ADK: variants seen among roughly 807,000 people sequenced by gnomAD.
ADK encodes adenosine kinase, also known as N6,N6-dimethyladenosine kinase.
In ADK, 24 loss-of-function variants were observed where a neutral mutation model predicts 44.7. That is an observed-to-expected ratio of 0.54 (90% CI 0.39 to 0.76). The LOEUF (loss-of-function observed/expected upper bound fraction) is 0.76. Among genes scored for constraint, ADK ranks in the 30% least tolerant of loss-of-function variants. The pLI is 0.00. For missense variants in ADK, 321 were observed against 425.1 expected, an observed-to-expected ratio of 0.76 and a Z score of 2.15; for synonymous variants, 128 against 142.6, an observed-to-expected ratio of 0.90 and a Z score of 0.73.
chr10:74,595,683 AGTTC>A (rs1300642471), intron 8 of ADK, among the ~76,000 whole-genome samples: 1 of 196 alleles, frequency 5.1e-3, no homozygotes, highest in Non-Finnish European at 0.011. Context: ...TCGCCATATC[AGTTC>A]AACAGATTAA....
intron 3 of ADK, among the ~76,000 whole-genome samples, chr10:74,294,767 A>G (rs895467849): frequency 6.6e-6 from 1 of 152,186 alleles, no homozygotes; most frequent in African/African-American, 2.4e-5. Context: ...AAATTTATTT[A>G]TATGTTGATC....
At chr10:74,599,559 T>C (rs1454023901) in intron 8 of ADK, among the ~76,000 whole-genome samples, 1 of 152,232 alleles carries the variant, frequency 6.6e-6, no homozygotes, top group Non-Finnish European at 1.5e-5. Context: ...AGCCCAAAAC[T>C]ATGGACAGTT....
At chr10:74,540,826 A>G (rs1849600741) in intron 7 of ADK, among the ~76,000 whole-genome samples, 3 of 152,148 alleles carry the variant, frequency 2.0e-5, no homozygotes, top group Admixed American at 2.0e-4. Flanking sequence ...CTGTAAATTT[A>G]TATCACAGTA....
chr10:74,671,016 A>G (rs1327821557), intron 10 of ADK, among the ~76,000 whole-genome samples: 2 of 141,696 alleles, frequency 1.4e-5, no homozygotes, highest in African/African-American at 5.3e-5. Flanking sequence ...TTCTCTTAAC[A>G]TCAAGCCAGA....
Position 74,244,730 on chromosome 10 carries a change from G to A in ADK, c.194+20139G>A, listed in dbSNP as rs930951263. Among the ~76,000 whole-genome samples, 13 of 152,198 alleles carry A rather than the reference G, an allele frequency of 8.5e-5. No individual in the cohort carries two copies. In the South Asian group the frequency reaches 1.7e-3, roughly 19 times the overall value. ...AACATTTTGATTTTTTTATGTGTTTGTAATTATTACCCAGAAACTTAGGCT... is the reference window on the plus strand; with the variant it reads ...AACATTTTGATTTTTTTATGTGTTTATAATTATTACCCAGAAACTTAGGCT... On this transcript the variant is annotated intron_variant, in intron 3 of 10. Transcript: ENST00000539909.
intron 10 of ADK, among the ~76,000 whole-genome samples, chr10:74,707,656 G>A (rs529935704): frequency 6.6e-5 from 10 of 151,230 alleles, no homozygotes; most frequent in Non-Finnish European, 1.3e-4. Flanking sequence ...CCAGCTACTC[G>A]GGAGCCTGAG....
intron 6 of ADK, among the ~76,000 whole-genome samples, chr10:74,443,070 A>C (rs529049323): frequency 6.6e-6 from 1 of 152,270 alleles, no homozygotes; most frequent in South Asian, 2.1e-4. Flanking sequence ...TATAGGATGA[A>C]TACGTTCTGG....
At chr10:74,404,412 T>C (rs903799829) in intron 6 of ADK, among the ~76,000 whole-genome samples, 1 of 152,230 alleles carries the variant, frequency 6.6e-6, no homozygotes, top group Non-Finnish European at 1.5e-5. Flanking sequence ...TCTGGTATCA[T>C]TTTCCTTCTG....
intron 3 of ADK, among the ~76,000 whole-genome samples, chr10:74,251,131 T>C (rs1289922410): frequency 6.6e-6 from 1 of 152,218 alleles, no homozygotes; most frequent in African/African-American, 2.4e-5. Context: ...AGTGTCTGCA[T>C]AATTAAATGC....
chr10:74,344,675 C>A, intron 4 of ADK: 2 of 176,778 alleles, frequency 1.1e-5, no homozygotes, highest in South Asian at 2.5e-4. Flanking sequence ...ACAGGCTGGT[C>A]TCTTCAGGTT....
chr10:74,320,751 G>A (rs1840780372), intron 4 of ADK, among the ~76,000 whole-genome samples: 1 of 151,990 alleles, frequency 6.6e-6, no homozygotes, highest in Non-Finnish European at 1.5e-5. Context: ...TTTTACCGGA[G>A]ATTTTTCTCT....
chr10:74,201,710 A>G (rs1322150444), intron 2 of ADK, among the ~76,000 whole-genome samples: 2 of 150,850 alleles, frequency 1.3e-5, no homozygotes, highest in Non-Finnish European at 2.9e-5. Context: ...CTATCTATCT[A>G]TCTATCTATC....
intron 10 of ADK, among the ~76,000 whole-genome samples, chr10:74,670,647 A>G (rs1398314781): frequency 6.6e-6 from 1 of 152,200 alleles, no homozygotes; most frequent in Non-Finnish European, 1.5e-5. Context: ...ACAGTATGCT[A>G]ATAACTAAGG....
At chr10:74,497,254 G>A (rs1444163820) in intron 6 of ADK, among the ~76,000 whole-genome samples, 1 of 152,202 alleles carries the variant, frequency 6.6e-6, no homozygotes, top group African/African-American at 2.4e-5. Context: ...TTTACACTGG[G>A]ATGTGGTACT....
intron 6 of ADK, among the ~76,000 whole-genome samples, chr10:74,491,804 C>G (rs945880107): frequency 1.3e-5 from 2 of 152,028 alleles, no homozygotes; most frequent in African/African-American, 4.8e-5. Flanking sequence ...GTGTGTGTTG[C>G]TTTCCCCCCC....
chr10:74,448,378 T>G lies in ADK; in HGVS notation c.555+49799T>G, dbSNP rs548090288. ...ACCTTGGACAACTGTAAGCCTCAAC[T>G]TTCCCATCTATGCAATAAGAATCAT... On this transcript the variant is annotated intron_variant, in intron 6 of 10. Transcript: ENST00000539909. 6.6e-5 allele frequency among the ~76,000 whole-genome samples: 10 copies of G among 152,272 alleles called. No individual in the cohort carries two copies. In the East Asian group the frequency reaches 1.7e-3, roughly 26 times the overall value.
intron 4 of ADK, among the ~76,000 whole-genome samples, chr10:74,337,965 C>T (rs955914551): frequency 5.9e-5 from 9 of 152,030 alleles, no homozygotes; most frequent in African/African-American, 2.2e-4. Flanking sequence ...GCTGTGATTG[C>T]ACCACTACAC....
At chr10:74,286,113 C>A (rs553557604) in intron 3 of ADK, among the ~76,000 whole-genome samples, 1 of 152,222 alleles carries the variant, frequency 6.6e-6, no homozygotes, top group South Asian at 2.1e-4. Context: ...AGTGCAGGAG[C>A]ATGATCATAG....
intron 3 of ADK, among the ~76,000 whole-genome samples, chr10:74,228,130 C>G (rs1459201477): frequency 6.6e-6 from 1 of 152,164 alleles, no homozygotes; most frequent in Non-Finnish European, 1.5e-5. Flanking sequence ...TTTTGTGATT[C>G]AGATTTCATA....
Sources: allele counts gnomAD v4.1 joint callset (sites outside exome capture counted in the v4.1 genomes callset), GRCh38; gene constraint gnomAD v4.1.1; transcripts MANE v1.5; gene names NCBI Gene and HGNC (gene_info 2026-07-23, HGNC 2026-07-21).